ABCC2: variants seen among roughly 807,000 people sequenced by gnomAD.
ABCC2 encodes ATP-binding cassette sub-family C member 2.
Under a neutral mutation model 173.4 loss-of-function variants are expected in ABCC2, and 157 were observed. That is an observed-to-expected ratio of 0.91 (90% confidence interval 0.80 to 1.03). The LOEUF (loss-of-function observed/expected upper bound fraction) is 1.03. Ranked by LOEUF, ABCC2 falls within the 50% of genes least tolerant of loss-of-function variation. The probability of loss-of-function intolerance (pLI) is 0.00; values close to 1 mark genes in which losing one functional copy is unlikely to be tolerated. For synonymous variants in ABCC2, 657 were observed against 693.5 expected (o/e 0.95, Z 0.83); for missense variants, 1,822 against 1,852.3 (o/e 0.98, Z 0.30).
At chr10:99,793,766 T>A (rs2037847983) in intron 4 of ABCC2, 81 bp downstream of exon 4, 1 of 1,596,592 alleles carries the variant, frequency 6.3e-7, no homozygotes, top group South Asian at 1.1e-5. Context: ...CAAGTTGAGC[T>A]CCAGGATCGA....
At chr10:99,848,888 T>C (rs1381873452) in intron 30 of ABCC2, among the ~76,000 whole-genome samples, 4 of 152,178 alleles carry the variant, frequency 2.6e-5, no homozygotes, top group Non-Finnish European at 4.4e-5. Flanking sequence ...AGTAGGTCTT[T>C]AGGCCAGTGT....
intron 19 of ABCC2, among the ~76,000 whole-genome samples, chr10:99,821,629 C>A (rs1212672696): frequency 6.6e-6 from 1 of 152,198 alleles, no homozygotes; most frequent in Non-Finnish European, 1.5e-5. Context: ...ATCCATTTAA[C>A]CCTGAGTTTG....
Position 99,808,239 on chromosome 10 carries a change from C to G in ABCC2, c.1815+10C>G. ...CTCCTCCATGCTCCAGGTAGGTCGG[C>G]ATTCTCACTGCTAACTCCCTGTCTC... On this transcript the variant is annotated intron_variant, in intron 13 of 31. Transcript: ENST00000647814. 1 of 1,613,970 alleles carries G rather than the reference C, an allele frequency of 6.2e-7. No homozygotes were observed. The highest frequency in any genetic ancestry group is 1.1e-5 in the South Asian group (1 of 91,084).
intron 7 of ABCC2, 184 bp downstream of exon 7, chr10:99,797,515 T>C: frequency 1.6e-6 from 1 of 624,116 alleles, no homozygotes; most frequent in Non-Finnish European, 2.8e-6. Flanking sequence ...TGTAATGTAC[T>C]GTTCTCTTTC....
chr10:99,847,658 C>G (rs1221664553), intron 30 of ABCC2, among the ~76,000 whole-genome samples: 1 of 151,360 alleles, frequency 6.6e-6, no homozygotes, highest in Non-Finnish European at 1.5e-5. Flanking sequence ...CAGTGGCTCA[C>G]GCCTGTAATC....
At position 99,817,457 on chromosome 10, in the gene ABCC2, A is replaced by G. The variant is rs1414848241; in HGVS notation, c.2244A>G (p.Gly748=). 4.3e-6 allele frequency: 7 copies of G among 1,614,168 alleles called. No individual in the cohort carries two copies. Among genetic ancestry groups the G allele is most frequent in the Non-Finnish European group, 5.1e-6 (6 of 1,180,040 alleles). Residue 748 remains glycine, a synonymous_variant, in exon 17 of 32, where the codon GGA becomes GGG. Transcript: ENST00000647814. ...TCCCAGACTTGGAAATGCTGCCTGG[A>G]GGAGATTTGGCTGAGATTGGAGAGA... ...ALLPDLEMLP[G]GDLAEIGEKG...
chr10:99,845,220 A>G (rs2039000286), intron 28 of ABCC2, among the ~76,000 whole-genome samples: 1 of 151,868 alleles, frequency 6.6e-6, no homozygotes, highest in African/African-American at 2.4e-5. Context: ...TTTAGTAGAG[A>G]CGGGGTTTTG....
Position 99,793,567 on chromosome 10 carries a change from T to A in ABCC2, c.350T>A (p.Ile117Asn), listed in dbSNP as rs2037843420. 5.6e-6 allele frequency: 9 copies of A among 1,614,012 alleles called. No homozygotes were observed. In the East Asian group the frequency reaches 2.0e-4, roughly 36 times the overall value. Reference sequence around the variant, plus strand: ...TCTCTCCAGCTCCTGGTTTTGCTGATCCAATACAGCAGACAATGGTGTGTA... The same window carrying A: ...TCTCTCCAGCTCCTGGTTTTGCTGAACCAATACAGCAGACAATGGTGTGTA... ...YLGTWLLVLL[I>N]QYSRQWCVQK... Residue 117 changes from isoleucine (I) to asparagine (N), a missense_variant, in exon 4 of 32, where the codon ATC (isoleucine) becomes AAC (asparagine). By Grantham distance (149) the Ile-to-Asn change is moderately radical (BLOSUM62 -3). Transcript: ENST00000647814.
In ABCC2 at chr10:99,830,740, G is replaced by T. The variant is rs193297044; in HGVS notation, c.2772G>T (p.Leu924=). The change falls in exon 21 of 32, where the codon CTG becomes CTT. Residue 924 remains leucine (L), a synonymous_variant. Transcript: ENST00000647814. ...GTTCTAGGTCCAATGGCAGGCATCTGAAGTCCCTGAGAAACTCCTTGAAAA... is the reference window on the plus strand; with the variant it reads ...GTTCTAGGTCCAATGGCAGGCATCTTAAGTCCCTGAGAAACTCCTTGAAAA... The part of the protein sequence containing the change: ...SRSSRSNGRH[L]KSLRNSLKTR... 1.2e-6 allele frequency: 2 copies of T among 1,614,120 alleles called. No individual in the cohort carries two copies. Among genetic ancestry groups the T allele is most frequent in the African/African-American group, 2.7e-5 (2 of 75,022 alleles).
chr10:99,792,364 G>GACCTAT lies in ABCC2; in HGVS notation c.333+9_333+14dup. The GACCTAT allele has an allele frequency of 1.2e-6, 2 of 1,613,866 alleles. No homozygotes were observed. The highest frequency in any genetic ancestry group is 1.7e-6 in the Non-Finnish European group (2 of 1,179,846). On this transcript the variant is annotated splice_donor_region_variant and intron_variant, in intron 3 of 31. Transcript: ENST00000647814. ...AGCCTCTACCTAGGCACATGGGTAAGACCTATACCACTTCTGCCCTGTTTA... is the reference window on the plus strand; with the variant it reads ...AGCCTCTACCTAGGCACATGGGTAAGACCTATACCTATACCACTTCTGCCCTGTTTA...
intron 30 of ABCC2, among the ~76,000 whole-genome samples, chr10:99,847,850 G>A (rs568235601): frequency 4.0e-4 from 61 of 152,082 alleles, no homozygotes; most frequent in South Asian, 1.7e-3. Flanking sequence ...CCCGGGAGGC[G>A]GAGGTTGTAG....
chr10:99,836,353 G>T (rs779455088), intron 25 of ABCC2, 63 bp downstream of exon 25: 13 of 1,543,874 alleles, frequency 8.4e-6, no homozygotes, highest in Non-Finnish European at 1.2e-5. Context: ...TTTGATATTA[G>T]CGGTGGGAGG....
intron 2 of ABCC2, among the ~76,000 whole-genome samples, chr10:99,791,495 C>T (rs2037811537): frequency 6.6e-6 from 1 of 152,134 alleles, no homozygotes; most frequent in Non-Finnish European, 1.5e-5. Context: ...CAAAATACCC[C>T]AAAACTTAGC....
chr10:99,814,872 C>T (rs969163508), intron 16 of ABCC2, among the ~76,000 whole-genome samples: 8 of 151,030 alleles, frequency 5.3e-5, no homozygotes, highest in Non-Finnish European at 1.0e-4. Context: ...AGCACAATTT[C>T]AGCTCACTGC....
In ABCC2 at chr10:99,836,263, G is replaced by A; in HGVS notation, c.3587G>A (p.Cys1196Tyr). The A allele has an allele frequency of 6.2e-7, 1 of 1,614,182 alleles. No homozygotes were observed. The highest frequency in any genetic ancestry group is 8.5e-7 in the Non-Finnish European group (1 of 1,180,030). Residue 1196 changes from cysteine (C) to tyrosine (Y), a missense_variant, in exon 25 of 32, where the codon TGT becomes TAT. By Grantham distance (194) the Cys-to-Tyr change is radical (BLOSUM62 -2). Coordinates refer to ENST00000647814, the MANE Select transcript of ABCC2 (RefSeq NM_000392.5). ...NEVRIDTNQK[C>Y]VFSWITSNRW... is the part of the protein sequence containing the mutation. ...GTGAGGATTGACACCAACCAGAAATGTGTCTTTTCCTGGATCACCTCCAAC... is the reference window on the plus strand; with the variant it reads ...GTGAGGATTGACACCAACCAGAAATATGTCTTTTCCTGGATCACCTCCAAC...
rs1273093491 is a variant in ABCC2 at position 99,845,758 on chromosome 10, A to G, written c.4122A>G (p.Arg1374=). Residue 1374 remains arginine (R), a synonymous_variant, in exon 29 of 32, where the codon CGA becomes CGG. Coordinates refer to ENST00000647814, the MANE Select transcript of ABCC2 (RefSeq NM_000392.5). ...CTTCCATTGGGCTCCACGACCTCCG[A>G]GAGAAGCTGACCATCATCCCCCAGG... ...DIASIGLHDL[R]EKLTIIPQDP... is the part of the protein sequence containing the mutation. 2 of 1,612,716 alleles carry G rather than the reference A, an allele frequency of 1.2e-6. No individual in the cohort carries two copies. The highest frequency in any genetic ancestry group is 1.7e-6 in the Non-Finnish European group (2 of 1,179,738).
intron 9 of ABCC2, among the ~76,000 whole-genome samples, chr10:99,801,479 G>T (rs2133007790): frequency 6.6e-6 from 1 of 152,226 alleles, no homozygotes; most frequent in South Asian, 2.1e-4. Flanking sequence ...GTCATGATCT[G>T]CCCACCTCAG....
chr10:99,805,339 C>G (rs2038081568), intron 10 of ABCC2, 43 bp from the exon 11 acceptor site: 1 of 1,575,950 alleles, frequency 6.3e-7, no homozygotes, highest in East Asian at 2.2e-5. Context: ...AGCCCTCTCT[C>G]ATGGAAGCGT....
intron 25 of ABCC2, among the ~76,000 whole-genome samples, chr10:99,838,984 C>T (rs1590188209): frequency 1.1e-5 from 1 of 90,510 alleles, no homozygotes; most frequent in Non-Finnish European, 2.3e-5. Flanking sequence ...CCCTCCCGGA[C>T]GGGGCGGCTG....
Sources: allele counts gnomAD v4.1 joint callset (sites outside exome capture counted in the v4.1 genomes callset), GRCh38; gene constraint gnomAD v4.1.1; transcripts MANE v1.5; gene names NCBI Gene and HGNC (gene_info 2026-07-23, HGNC 2026-07-21).